The following DPP6 variants were observed in gnomAD, a reference collection of about 807,000 sequenced individuals.
DPP6 encodes dipeptidyl peptidase like 6, also known as A-type potassium channel modulatory protein DPP6.
A neutral mutation model predicts 122.6 loss-of-function variants in DPP6; 69 were observed. That is an observed-to-expected ratio of 0.56 (90% CI 0.46 to 0.69). The LOEUF (loss-of-function observed/expected upper bound fraction) is 0.69, where lower values mean the gene tolerates loss of function less well. Ranked by LOEUF, DPP6 falls within the 30% of genes least tolerant of loss-of-function variation. The pLI, the probability that DPP6 is intolerant of heterozygous loss-of-function variation, is 0.00. For missense variants in DPP6, 928 were observed against 1,116.9 expected, an observed-to-expected ratio of 0.83 and a Z score of 2.41; for synonymous variants, 418 against 433.1, an observed-to-expected ratio of 0.97 and a Z score of 0.43.
chr7:153,989,758 G>A (rs191045783), intron 1 of DPP6, among the ~76,000 whole-genome samples: 165 of 152,096 alleles, frequency 1.1e-3, no homozygotes, highest in Admixed American at 3.9e-3. Context: ...GTACTGGTGC[G>A]AGGTTTGCCA....
chr7:154,376,089 A>T (rs1813105814), intron 1 of DPP6, among the ~76,000 whole-genome samples: 1 of 152,218 alleles, frequency 6.6e-6, no homozygotes, highest in Non-Finnish European at 1.5e-5. Context: ...ACTTAGCCAG[A>T]CAGCACACGG....
In DPP6 at chr7:154,335,070, C is replaced by T. The variant is rs563542740; in HGVS notation, c.244-111144C>T. Among the ~76,000 whole-genome samples the T allele has an allele frequency of 7.9e-5, 12 of 152,136 alleles. No individual in the cohort carries two copies. The South Asian group carries it at 1.7e-3, about 21-fold the overall frequency. On this transcript the variant is annotated intron_variant, in intron 1 of 25. Coordinates refer to ENST00000377770, the MANE Select transcript of DPP6 (RefSeq NM_130797.4). ...GATTTCAGTTTTTTCAATGCTTAAGCGTGGAAAACAGGCAGGTAATTTGTG... is the reference window on the plus strand; with the variant it reads ...GATTTCAGTTTTTTCAATGCTTAAGTGTGGAAAACAGGCAGGTAATTTGTG...
chr7:153,781,612 AG>A, the DPP6 span, among the ~76,000 whole-genome samples: 1 of 152,160 alleles, frequency 6.6e-6, no homozygotes, highest in Non-Finnish European at 1.5e-5. Flanking sequence ...GAGAGAGGGA[AG>A]GTAGATTGGC....
intron 1 of DPP6, among the ~76,000 whole-genome samples, chr7:154,391,793 G>T (rs1814644603): frequency 6.6e-6 from 1 of 152,006 alleles, no homozygotes; most frequent in Non-Finnish European, 1.5e-5. Context: ...GGGTTCTCTG[G>T]GTAAAACACA....
At chr7:154,250,831 C>T (rs1279318351) in intron 1 of DPP6, among the ~76,000 whole-genome samples, 5 of 152,118 alleles carry the variant, frequency 3.3e-5, no homozygotes, top group African/African-American at 4.8e-5. Flanking sequence ...TGAGGGTAAT[C>T]GTTGCCTGGA....
At chr7:154,870,378 G>A (rs960931921) in intron 18 of DPP6, among the ~76,000 whole-genome samples, 2 of 152,150 alleles carry the variant, frequency 1.3e-5, no homozygotes, top group African/African-American at 4.8e-5. Context: ...GCTGAGGAGG[G>A]CAGATCACTT....
chr7:154,359,351 G>A (rs1206532242), intron 1 of DPP6, among the ~76,000 whole-genome samples: 5 of 152,280 alleles, frequency 3.3e-5, no homozygotes, highest in Non-Finnish European at 5.9e-5. Context: ...TGCCCCGGAG[G>A]AGATCACTGC....
intron 6 of DPP6, among the ~76,000 whole-genome samples, chr7:154,642,304 C>G (rs1326673654): frequency 6.6e-6 from 1 of 152,012 alleles, no homozygotes; most frequent in Non-Finnish European, 1.5e-5. Context: ...ATAATAGTGC[C>G]CACTTTGGCC....
chr7:154,313,334 C>T (rs1563459195), intron 1 of DPP6, among the ~76,000 whole-genome samples: 1 of 151,936 alleles, frequency 6.6e-6, no homozygotes, highest in Non-Finnish European at 1.5e-5. Context: ...TGCAGGGGCA[C>T]ACAGAGATGG....
intron 2 of DPP6, among the ~76,000 whole-genome samples, chr7:154,464,713 GACTT>G (rs1821636620): frequency 1.3e-5 from 2 of 152,166 alleles, no homozygotes; most frequent in Admixed American, 1.3e-4. Flanking sequence ...TTGGGACCAT[GACTT>G]ACTTAAATAA....
At chr7:154,133,168 T>C (rs1243795218) in intron 1 of DPP6, among the ~76,000 whole-genome samples, 1 of 152,202 alleles carries the variant, frequency 6.6e-6, no homozygotes, top group East Asian at 1.9e-4. Flanking sequence ...GTCATGTTAT[T>C]ATATACCTCA....
chr7:153,966,569 T>A (rs1389031655), intron 1 of DPP6, among the ~76,000 whole-genome samples: 2 of 13,322 alleles, frequency 1.5e-4, no homozygotes, highest in African/African-American at 2.0e-4. Flanking sequence ...TTTTTTTTTT[T>A]TTTTTTTTTT....
At chr7:154,192,158 A>G (rs1398349066) in intron 1 of DPP6, among the ~76,000 whole-genome samples, 2 of 152,224 alleles carry the variant, frequency 1.3e-5, no homozygotes, top group African/African-American at 4.8e-5. Context: ...GTCTTGGCAA[A>G]GATTTTAAGA....
the DPP6 span, among the ~76,000 whole-genome samples, chr7:153,829,244 C>T: frequency 7.2e-5 from 11 of 152,216 alleles, no homozygotes; most frequent in Admixed American, 2.6e-4. Flanking sequence ...GACAGAGACT[C>T]GTTCTGTCCC....
At chr7:153,945,093 AG>A (rs2129018322) in intron 1 of DPP6, among the ~76,000 whole-genome samples, 1 of 152,216 alleles carries the variant, frequency 6.6e-6, no homozygotes, top group African/African-American at 2.4e-5. Context: ...CAGGCTCTGA[AG>A]GGTCACCCAC....
chr7:154,427,165 A>C (rs1817986556), intron 1 of DPP6, among the ~76,000 whole-genome samples: 1 of 152,212 alleles, frequency 6.6e-6, no homozygotes, highest in Non-Finnish European at 1.5e-5. Flanking sequence ...CTCTCACATA[A>C]ATGCATGGTG....
the DPP6 span, among the ~76,000 whole-genome samples, chr7:153,758,609 A>G: frequency 1.3e-5 from 2 of 151,300 alleles, no homozygotes; most frequent in Non-Finnish European, 2.9e-5. Context: ...ATTTTAGATA[A>G]TGGAATTATT....
At chr7:154,445,615 A>G (rs1819796452) in intron 1 of DPP6, among the ~76,000 whole-genome samples, 1 of 152,192 alleles carries the variant, frequency 6.6e-6, no homozygotes, top group Non-Finnish European at 1.5e-5. Flanking sequence ...TGCCCAGTGA[A>G]GAGAGACCAG....
chr7:153,938,346 G>C (rs958017890), intron 1 of DPP6, among the ~76,000 whole-genome samples: 1 of 152,168 alleles, frequency 6.6e-6, no homozygotes, highest in Non-Finnish European at 1.5e-5. Context: ...GGTGCGTAAG[G>C]AATCTGTCAG....
Sources: gnomAD v4.1 joint callset for allele counts (sites outside exome capture counted in the v4.1 genomes callset) on GRCh38, gnomAD v4.1.1 for gene constraint, MANE v1.5 for transcripts, NCBI Gene and HGNC (gene_info 2026-07-23, HGNC 2026-07-21) for gene names.